The following MAMDC2 variants were observed in gnomAD, a reference collection of about 807,000 sequenced individuals.
MAMDC2 encodes MAM domain-containing protein 2.
In MAMDC2, 57 loss-of-function variants were observed where a neutral mutation model predicts 89.8. The ratio of observed to expected loss-of-function variants is 0.63; its 90% confidence interval spans 0.51 to 0.79. The LOEUF (loss-of-function observed/expected upper bound fraction) is 0.79, where lower values mean the gene tolerates loss of function less well. Among genes scored for constraint, MAMDC2 ranks in the 30% least tolerant of loss-of-function variants. The pLI is 0.00. For missense variants in MAMDC2, 800 were observed against 820.6 expected, an observed-to-expected ratio of 0.97 and a Z score of 0.31; for synonymous variants, 313 against 293.4, an observed-to-expected ratio of 1.07 and a Z score of -0.68.
chr9:70,135,171 G>A (rs997857696), intron 7 of MAMDC2, among the ~76,000 whole-genome samples: 1 of 152,204 alleles, frequency 6.6e-6, no homozygotes, highest in Admixed American at 6.5e-5. Context: ...ATGCTTTTTG[G>A]TAAGTTGCTT....
chr9:70,047,313 C>T (rs975268760), intron 2 of MAMDC2, among the ~76,000 whole-genome samples: 3 of 152,000 alleles, frequency 2.0e-5, no homozygotes, highest in Non-Finnish European at 4.4e-5. Flanking sequence ...TTTTAAGCCC[C>T]GCATGCTTTA....
intron 11 of MAMDC2, chr9:70,188,722 T>TG: frequency 6.7e-6 from 1 of 150,136 alleles, no homozygotes; most frequent in Non-Finnish European, 1.5e-5. Context: ...ATACTACACT[T>TG]GATCTTAGCC....
rs189242142 is a variant in MAMDC2, at chr9:70,140,039, C to T, written c.995-106C>T. On this transcript the variant is annotated intron_variant, in intron 7 of 13. Coordinates refer to ENST00000377182, the MANE Select transcript of MAMDC2 (RefSeq NM_153267.5). Reference sequence around the variant, plus strand: ...GATATTTAGTTGTGTTTTACTTCTTCGGTCTCCCCTGGTACAAATGTGTAT... The same window carrying T: ...GATATTTAGTTGTGTTTTACTTCTTTGGTCTCCCCTGGTACAAATGTGTAT... 64 of 1,188,122 alleles carry T rather than the reference C, an allele frequency of 5.4e-5. 1 individual carries two copies. The East Asian group carries it at 1.2e-3, about 22-fold the overall frequency. The allele number at this position is 1,188,122 out of a possible 1,614,324, so 73.6% of individuals were successfully genotyped here.
Position 70,087,945 on chromosome 9 carries a change from T to G in MAMDC2, c.149-20266T>G, listed in dbSNP as rs573932107. On this transcript the variant is annotated intron_variant, in intron 2 of 13. Transcript: ENST00000377182. ...TTATTATTTCTCAATTAGGGAGTAT[T>G]TAGGAATTTCTTGATTTTTTTAAAA... Among the ~76,000 whole-genome samples the G allele has an allele frequency of 1.1e-4, 16 of 152,250 alleles. No homozygotes were observed. The South Asian group carries it at 2.5e-3, about 24-fold the overall frequency.
intron 11 of MAMDC2, chr9:70,216,369 C>CAGACAGGCACCA (rs1245448634): frequency 1.3e-5 from 2 of 152,044 alleles, no homozygotes; most frequent in African/African-American, 4.8e-5. Flanking sequence ...TCCTAGTTTG[C>CAGACAGGCACCA]AGACAGGCAC....
At chr9:70,077,222 T>A (rs1827551536) in intron 2 of MAMDC2, among the ~76,000 whole-genome samples, 1 of 152,190 alleles carries the variant, frequency 6.6e-6, no homozygotes, top group Non-Finnish European at 1.5e-5. Context: ...AAGTATAAAT[T>A]GATCACGTCA....
At chr9:70,106,339 T>C (rs1053593103) in intron 2 of MAMDC2, among the ~76,000 whole-genome samples, 5 of 151,542 alleles carry the variant, frequency 3.3e-5, no homozygotes, top group African/African-American at 4.9e-5. Context: ...TTTATTTGTT[T>C]CTTTCCTCTT....
chr9:70,189,604 T>G (rs144399839), intron 11 of MAMDC2, among the ~76,000 whole-genome samples: 1 of 152,258 alleles, frequency 6.6e-6, no homozygotes, highest in African/African-American at 2.4e-5. Flanking sequence ...CTTTCTTGAA[T>G]GTATAGACTT....
chr9:70,108,012 C>CTGGT (rs1828386274), intron 2 of MAMDC2, among the ~76,000 whole-genome samples, 199 bp from the exon 3 acceptor site: 1 of 152,186 alleles, frequency 6.6e-6, no homozygotes, highest in Non-Finnish European at 1.5e-5. Context: ...AGCCTGTTGT[C>CTGGT]ATCATCTGGT....
intron 11 of MAMDC2, among the ~76,000 whole-genome samples, chr9:70,179,843 A>G (rs1215931324): frequency 6.7e-6 from 1 of 148,726 alleles, no homozygotes; most frequent in Non-Finnish European, 1.5e-5. Flanking sequence ...TGAAAATGCA[A>G]GAAAAAAAGG....
rs1249553499 is a variant in MAMDC2, at chr9:70,136,955, A to C, written c.995-3190A>C. ...CCCTGGTGCTGACAGAATCAGGCAG[A>C]CCAGGGTGTGGGCTAATCTACCCAT... On this transcript the variant is annotated intron_variant, in intron 7 of 13. Coordinates refer to ENST00000377182, the MANE Select transcript of MAMDC2 (RefSeq NM_153267.5). 2.3e-4 allele frequency among the ~76,000 whole-genome samples: 35 copies of C among 152,112 alleles called. 1 individual carries two copies.
chr9:70,113,433 T>C (rs1457769881), intron 5 of MAMDC2, among the ~76,000 whole-genome samples: 1 of 152,222 alleles, frequency 6.6e-6, no homozygotes, highest in Non-Finnish European at 1.5e-5. Context: ...CTTTACTTTC[T>C]TGTATATTTG....
intron 11 of MAMDC2, among the ~76,000 whole-genome samples, chr9:70,180,237 C>A (rs1435996655): frequency 6.6e-6 from 1 of 152,134 alleles, no homozygotes; most frequent in Non-Finnish European, 1.5e-5. Flanking sequence ...GGTATATGTG[C>A]CACATTTTCT....
At chr9:70,098,326 C>A (rs1346928676) in intron 2 of MAMDC2, among the ~76,000 whole-genome samples, 1 of 152,186 alleles carries the variant, frequency 6.6e-6, no homozygotes, top group Non-Finnish European at 1.5e-5. Context: ...TGAGCCCAAG[C>A]CTGTGGGGTC....
At chr9:70,214,848 TG>T (rs2033415991) in intron 11 of MAMDC2, among the ~76,000 whole-genome samples, 1 of 152,184 alleles carries the variant, frequency 6.6e-6, no homozygotes, top group African/African-American at 2.4e-5. Flanking sequence ...TCACAGGTTT[TG>T]GGTGTCAACG....
At chr9:70,221,243 A>G (rs2033548924) in intron 12 of MAMDC2, among the ~76,000 whole-genome samples, 1 of 149,910 alleles carries the variant, frequency 6.7e-6, no homozygotes, top group African/African-American at 2.5e-5. Context: ...TAATCCCAGC[A>G]CTTCGGGAGG....
chr9:70,089,591 G>C (rs950162133), intron 2 of MAMDC2, among the ~76,000 whole-genome samples: 9 of 152,108 alleles, frequency 5.9e-5, no homozygotes, highest in Admixed American at 5.9e-4. Context: ...GGGGACTCTG[G>C]GTGGAGAGGG....
chr9:70,185,464 G>A (rs921583655), intron 11 of MAMDC2, among the ~76,000 whole-genome samples: 18 of 152,184 alleles, frequency 1.2e-4, no homozygotes, highest in Admixed American at 8.5e-4. Flanking sequence ...AGCCGGCAGG[G>A]AGGGACATTT....
intron 2 of MAMDC2, among the ~76,000 whole-genome samples, chr9:70,104,589 A>T (rs1828283643): frequency 6.6e-6 from 1 of 152,260 alleles, no homozygotes; most frequent in African/African-American, 2.4e-5. Context: ...GGTAATCCAT[A>T]AAATAGAATA....
Sources: allele counts gnomAD v4.1 joint callset (sites outside exome capture counted in the v4.1 genomes callset), GRCh38; gene constraint gnomAD v4.1.1; transcripts MANE v1.5; gene names NCBI Gene and HGNC (gene_info 2026-07-23, HGNC 2026-07-21).